Variants in COG2 observed in about 807,000 individuals in gnomAD.
COG2 encodes component of oligomeric golgi complex 2.
Under a neutral mutation model 90.6 loss-of-function variants are expected in COG2, and 52 were observed. The ratio of observed to expected loss-of-function variants is 0.57; its 90% CI spans 0.46 to 0.72. COG2 has a LOEUF of 0.72. Ranked by LOEUF, COG2 falls within the 30% of genes least tolerant of loss-of-function variation. The pLI, the probability that COG2 is intolerant of heterozygous loss-of-function variation, is 0.00. For synonymous variants in COG2, 337 were observed against 320.4 expected, an observed-to-expected ratio of 1.05 and a Z score of -0.55; for missense variants, 829 against 891.2, an observed-to-expected ratio of 0.93 and a Z score of 0.89.
chr1:230,688,032 A>G (rs1041448265), intron 13 of COG2, 39 bp from the exon 14 acceptor site: 6 of 1,407,452 alleles, frequency 4.3e-6, no homozygotes, highest in Non-Finnish European at 5.8e-6. Flanking sequence ...TTTGATTTAT[A>G]AAAAGTAACT....
intron 9 of COG2, among the ~76,000 whole-genome samples, chr1:230,675,677 G>T (rs184812894): frequency 3.5e-4 from 54 of 152,128 alleles, no homozygotes; most frequent in Non-Finnish European, 5.6e-4. Flanking sequence ...GGGTCTTACT[G>T]TGTTGCCCAG....
chr1:230,687,547 G>A (rs1318852951), intron 13 of COG2, among the ~76,000 whole-genome samples: 1 of 151,946 alleles, frequency 6.6e-6, no homozygotes, highest in Non-Finnish European at 1.5e-5. Context: ...ATTTTCTGTT[G>A]ATGTTTAATC....
intron 9 of COG2, among the ~76,000 whole-genome samples, chr1:230,675,916 A>G (rs894377294): frequency 6.6e-6 from 1 of 152,008 alleles, no homozygotes; most frequent in African/African-American, 2.4e-5. Context: ...CAACCTTCCA[A>G]AGTGCTAGGA....
intron 16 of COG2, 49 bp from the exon 17 acceptor site, chr1:230,691,335 G>C (rs375307485): frequency 4.6e-6 from 7 of 1,506,892 alleles, no homozygotes; most frequent in Non-Finnish European, 6.3e-6. Flanking sequence ...TCTATTTGGT[G>C]TTACACACAA....
At chr1:230,649,422 T>A (rs1661862062) in intron 1 of COG2, among the ~76,000 whole-genome samples, 1 of 152,264 alleles carries the variant, frequency 6.6e-6, no homozygotes, top group African/African-American at 2.4e-5. Context: ...CCCACAGTCT[T>A]TCCCATGGCT....
rs1411351088 is a variant in COG2 at position 230,663,198 on chromosome 1, C to G, written c.358C>G (p.Gln120Glu). Reference protein sequence around the residue: ...IRAVDERMSKQEDIRKKKMCV... With the variant: ...IRAVDERMSKEEDIRKKKMCV... ...GGCAGTTGATGAACGAATGTCTAAA[C>G]AAGAGGACATTAGGAAAAAAAAGGT... The change falls in exon 4 of 18, where the codon CAA becomes GAA. Residue 120 changes from glutamine (Q) to glutamate (E), a missense_variant. Coordinates refer to ENST00000366669, the MANE Select transcript of COG2 (RefSeq NM_007357.3). 6.2e-7 allele frequency: 1 copy of G among 1,607,040 alleles called. No homozygotes were observed. Among genetic ancestry groups the G allele is most frequent in the Non-Finnish European group, 8.5e-7 (1 of 1,176,806 alleles).
At chr1:230,673,748 G>A (rs1216239710) in intron 8 of COG2, among the ~76,000 whole-genome samples, 1 of 152,006 alleles carries the variant, frequency 6.6e-6, no homozygotes, top group African/African-American at 2.4e-5. Flanking sequence ...TCCCCTTCCT[G>A]GCCCTCCTCC....
chr1:230,649,195 T>C lies in COG2; in HGVS notation c.72+6517T>C, dbSNP rs566529804. Among the ~76,000 whole-genome samples the C allele has an allele frequency of 3.3e-5, 5 of 152,334 alleles. 1 individual carries two copies. Among genetic ancestry groups the C allele is most frequent in the African/African-American group, 1.2e-4 (5 of 41,582 alleles). Reference sequence around the variant, plus strand: ...TGTCCATAGATGCTGGAAAACACTTTAGCATACATTTTTAATTTCTCAGGC... The same window carrying C: ...TGTCCATAGATGCTGGAAAACACTTCAGCATACATTTTTAATTTCTCAGGC... On this transcript the variant is annotated intron_variant, in intron 1 of 17. Transcript: ENST00000366669.
In COG2 at chr1:230,659,599, G is replaced by T; in HGVS notation, c.208G>T (p.Asp70Tyr). The change falls in exon 2 of 18, where the codon GAT becomes TAT. Residue 70 changes from aspartate to tyrosine, a missense_variant. Asp to Tyr is a radical substitution (Grantham distance 160). Transcript: ENST00000366669. The stretch of plus-strand genomic sequence containing the variant: ...CGAACTCATCAACAAGGATTATGCA[G>T]ATTTTGTCAATCTTTCAACAAACTT... ...MVELINKDYA[D>Y]FVNLSTNLVG... 1 of 1,613,022 alleles carries T rather than the reference G, an allele frequency of 6.2e-7. No individual in the cohort carries two copies. Among genetic ancestry groups the T allele is most frequent in the African/African-American group, 1.3e-5 (1 of 74,994 alleles).
intron 1 of COG2, among the ~76,000 whole-genome samples, chr1:230,643,509 A>G (rs1661679919): frequency 6.6e-6 from 1 of 152,192 alleles, no homozygotes; most frequent in Non-Finnish European, 1.5e-5. Context: ...AAAAAGCGAA[A>G]AGTTTTAGCT....
Position 230,669,412 on chromosome 1 carries a change from A to G in COG2, c.651A>G (p.Glu217=). 1 of 1,614,084 alleles carries G rather than the reference A, an allele frequency of 6.2e-7. No homozygotes were observed. The highest frequency in any genetic ancestry group is 8.5e-7 in the Non-Finnish European group (1 of 1,179,942). The change falls in exon 7 of 18, where the codon GAA becomes GAG. Residue 217 remains glutamate (E), a synonymous_variant. Coordinates refer to ENST00000366669, the MANE Select transcript of COG2 (RefSeq NM_007357.3). ...LQQSLEGLLL[E]GLQTSDVDII... ...AGTCACTGGAAGGTCTCCTATTAGA[A>G]GGCCTTCAGACGTCTGACGTCGATA...
intron 5 of COG2, among the ~76,000 whole-genome samples, chr1:230,664,899 A>C (rs1360010431): frequency 6.6e-6 from 1 of 152,188 alleles, no homozygotes; most frequent in East Asian, 1.9e-4. Flanking sequence ...ACTGACCTTC[A>C]AGGTGTGGAA....
intron 10 of COG2, chr1:230,680,732 C>G (rs1048241800): frequency 3.3e-5 from 5 of 151,844 alleles, no homozygotes; most frequent in African/African-American, 1.2e-4. Flanking sequence ...TAGAACTTGT[C>G]TTTAGTACAT....
chr1:230,680,410 TC>T (rs1662713020), intron 10 of COG2: 1 of 87,948 alleles, frequency 1.1e-5, no homozygotes. Context: ...ACCTCACTCT[TC>T]CATCCCACCC....
At chr1:230,678,652 A>G (rs1370056452) in intron 9 of COG2, 22 of 1,393,958 alleles carry the variant, frequency 1.6e-5, no homozygotes, top group Non-Finnish European at 2.1e-5. Context: ...CTGCCATTTA[A>G]AGAGCACCAG....
At chr1:230,691,866 CT>C in intron 17 of COG2, 1 of 288,858 alleles carries the variant, frequency 3.5e-6, no homozygotes, top group Non-Finnish European at 6.5e-6. Context: ...GGTCCAGTGC[CT>C]GATACTTAAT....
Position 230,690,119 on chromosome 1 carries a change from T to C in COG2, c.1900T>C (p.Trp634Arg). ...GCTCAAACAAGCAATAATTCAGCAG[T>C]GGCTAGAAGGCACTCTCAGTGAAAG... ...DKLKQAIIQQ[W>R]LEGTLSESTH... The change falls in exon 16 of 18, where the codon TGG becomes CGG. Residue 634 changes from tryptophan to arginine, a missense_variant. Transcript: ENST00000366669. The C allele has an allele frequency of 6.2e-7, 1 of 1,613,690 alleles. No homozygotes were observed. The highest frequency in any genetic ancestry group is 2.2e-5 in the East Asian group (1 of 44,866).
intron 1 of COG2, among the ~76,000 whole-genome samples, chr1:230,650,098 C>CA (rs909645117): frequency 6.6e-6 from 1 of 152,190 alleles, no homozygotes; most frequent in African/African-American, 2.4e-5. Context: ...AAATGCACCA[C>CA]ATTTTCTTTA....
chr1:230,686,118 C>T (rs1662879090), intron 12 of COG2, among the ~76,000 whole-genome samples: 1 of 152,186 alleles, frequency 6.6e-6, no homozygotes, highest in Non-Finnish European at 1.5e-5. Context: ...AGAAATTAAG[C>T]TGAGTCTTCA....
Sources: gnomAD v4.1 joint callset for allele counts (sites outside exome capture counted in the v4.1 genomes callset) on GRCh38, gnomAD v4.1.1 for gene constraint, MANE v1.5 for transcripts, NCBI Gene and HGNC (gene_info 2026-07-23, HGNC 2026-07-21) for gene names.